The following PCOLCE2 variants were observed in gnomAD, a reference collection of about 807,000 sequenced individuals.
PCOLCE2 encodes the protein procollagen C-proteinase enhancer 2.
PCOLCE2 carries 42 observed loss-of-function variants against 47.0 expected under a neutral mutation model. The ratio of observed to expected loss-of-function variants is 0.89; its 90% CI spans 0.70 to 1.16. The LOEUF is 1.16. PCOLCE2 is among the 50% of genes most tolerant of loss of function. The pLI is 0.00. For synonymous variants in PCOLCE2, 169 were observed against 191.7 expected (o/e 0.88, Z 0.98); for missense variants, 500 against 526.1 (o/e 0.95, Z 0.49).
At chr3:142,826,502 C>A (rs1937079860) in intron 6 of PCOLCE2, among the ~76,000 whole-genome samples, 1 of 152,152 alleles carries the variant, frequency 6.6e-6, no homozygotes, top group South Asian at 2.1e-4. Context: ...AGAAACTTTC[C>A]TTCTCAGTTT....
chr3:142,830,432 C>T (rs995009656), intron 5 of PCOLCE2, among the ~76,000 whole-genome samples: 9 of 152,264 alleles, frequency 5.9e-5, no homozygotes, highest in Non-Finnish European at 8.8e-5. Flanking sequence ...CTATCCACTC[C>T]GGGCTAAGAA....
chr3:142,843,163 C>G, intron 3 of PCOLCE2, 115 bp from the exon 4 acceptor site: 2 of 984,660 alleles, frequency 2.0e-6, no homozygotes, highest in Admixed American at 1.8e-5. Context: ...ATAAAGGCAA[C>G]AGCAGAAGCG....
intron 2 of PCOLCE2, among the ~76,000 whole-genome samples, chr3:142,852,315 CT>C (rs1165947030): frequency 4.6e-5 from 7 of 152,074 alleles, no homozygotes; most frequent in African/African-American, 1.7e-4. Flanking sequence ...TTATAAAGGA[CT>C]TTAGAGAGCA....
At chr3:142,864,378 A>G (rs1933241479) in intron 2 of PCOLCE2, 1 of 152,050 alleles carries the variant, frequency 6.6e-6, no homozygotes, top group African/African-American at 2.4e-5. Flanking sequence ...TGCTTTTATC[A>G]TTTCTCACTT....
intron 2 of PCOLCE2, among the ~76,000 whole-genome samples, chr3:142,873,420 T>G (rs1161557982): frequency 1.3e-5 from 2 of 151,860 alleles, no homozygotes; most frequent in Admixed American, 1.3e-4. Context: ...GAAAAAAATT[T>G]TTTAAAGTTA....
intron 8 of PCOLCE2, among the ~76,000 whole-genome samples, chr3:142,819,909 T>G (rs1320250461): frequency 6.6e-6 from 1 of 152,110 alleles, no homozygotes; most frequent in Non-Finnish European, 1.5e-5. Flanking sequence ...CCTCCTAAAG[T>G]GCTGGGACAG....
At chr3:142,883,386 T>C (rs908472948) in intron 2 of PCOLCE2, among the ~76,000 whole-genome samples, 8 of 151,678 alleles carry the variant, frequency 5.3e-5, no homozygotes, top group African/African-American at 1.9e-4. Flanking sequence ...CTAAATAGAG[T>C]TGCTTTCACA....
At chr3:142,849,741 C>A (rs1050698306) in intron 2 of PCOLCE2, among the ~76,000 whole-genome samples, 1 of 152,110 alleles carries the variant, frequency 6.6e-6, no homozygotes, top group African/African-American at 2.4e-5. Flanking sequence ...TTACATATAA[C>A]AAAACTCAGT....
chr3:142,838,825 C>T lies in PCOLCE2; in HGVS notation c.655G>A (p.Gly219Arg), dbSNP rs138327430. 3.0e-4 allele frequency: 489 copies of T among 1,613,740 alleles called. 3 individuals are homozygous for T. In the African/African-American group the frequency reaches 5.1e-3, roughly 17 times the overall value. ...ATTCTTCTAGCATCGTTGACTTCCCCGCCATTAAACACAGCCACATAATCA... is the reference window on the plus strand; with the variant it reads ...ATTCTTCTAGCATCGTTGACTTCCCTGCCATTAAACACAGCCACATAATCA... ...RYDYVAVFNG[G>R]EVNDARRIGK... Residue 219 changes from glycine (G) to arginine (R), a missense_variant, in exon 5 of 9, where the codon GGG (glycine) becomes AGG (arginine). Physicochemically the swap from Gly to Arg is moderately radical, Grantham distance 125 (BLOSUM62 -2). Transcript: ENST00000295992.
In PCOLCE2 at chr3:142,872,331, C is replaced by T. The variant is rs1285741303; in HGVS notation, c.192+15338G>A. 2.6e-5 allele frequency among the ~76,000 whole-genome samples: 4 copies of T among 152,062 alleles called. No homozygotes were observed. The East Asian group carries it at 5.8e-4, about 22-fold the overall frequency. ...TGTATTTTGACTGCGCTATTTTCTA[C>T]GGGGGCCCTTACTGATAGGCTTTCC... On this transcript the variant is annotated intron_variant, in intron 2 of 8. Coordinates refer to ENST00000295992, the MANE Select transcript of PCOLCE2 (RefSeq NM_013363.4).
At chr3:142,878,151 C>A (rs915131747) in intron 2 of PCOLCE2, among the ~76,000 whole-genome samples, 14 of 152,058 alleles carry the variant, frequency 9.2e-5, no homozygotes, top group African/African-American at 2.9e-4. Context: ...TTTGAAAACA[C>A]TATTTTATTA....
intron 2 of PCOLCE2, among the ~76,000 whole-genome samples, chr3:142,875,628 C>T (rs1933482313): frequency 6.6e-6 from 1 of 152,170 alleles, no homozygotes; most frequent in Non-Finnish European, 1.5e-5. Flanking sequence ...AAATCTCTGT[C>T]TATTCCAAGG....
chr3:142,869,216 G>A (rs113587651), intron 2 of PCOLCE2, among the ~76,000 whole-genome samples: 2,506 of 152,066 alleles, frequency 0.016, 84 homozygotes, highest in African/African-American at 0.058. Flanking sequence ...GTGTGAACCC[G>A]GGAGGTGGAG....
In PCOLCE2 at chr3:142,887,655, T is replaced by A; in HGVS notation, c.192+14A>T. ...ACCCACTTCCAGGAGAATACCTTTTTAAAAAATGCTTACTGTGATTTTCCA... is the reference window on the plus strand; with the variant it reads ...ACCCACTTCCAGGAGAATACCTTTTAAAAAAATGCTTACTGTGATTTTCCA... On this transcript the variant is annotated intron_variant, in intron 2 of 8. Transcript: ENST00000295992. 7.3e-7 allele frequency: 1 copy of A among 1,371,070 alleles called. No individual in the cohort carries two copies. Among genetic ancestry groups the A allele is most frequent in the Non-Finnish European group, 1.0e-6 (1 of 958,904 alleles). The allele number at this position is 1,371,070 out of a possible 1,614,324, so 84.9% of individuals were successfully genotyped here. A position where few individuals can be genotyped will look rare whatever the true frequency, so the allele number is the denominator to read the frequency against.
intron 2 of PCOLCE2, among the ~76,000 whole-genome samples, chr3:142,881,767 G>A (rs568592472): frequency 1.9e-4 from 29 of 152,188 alleles, no homozygotes; most frequent in African/African-American, 6.0e-4. Context: ...ATATTGTTAC[G>A]GGATATGTGA....
chr3:142,888,063 G>A (rs1933748432), intron 1 of PCOLCE2, among the ~76,000 whole-genome samples: 1 of 152,208 alleles, frequency 6.6e-6, no homozygotes, highest in African/African-American at 2.4e-5. Context: ...TAGGAAAATG[G>A]TAAATACATC....
chr3:142,869,577 C>T (rs965286356), intron 2 of PCOLCE2, among the ~76,000 whole-genome samples: 63 of 152,306 alleles, frequency 4.1e-4, no homozygotes, highest in African/African-American at 1.3e-3. Context: ...AGTCTATCCT[C>T]TCTGAAGCCT....
intron 2 of PCOLCE2, among the ~76,000 whole-genome samples, chr3:142,849,266 A>C (rs1480600475): frequency 6.6e-6 from 1 of 152,156 alleles, no homozygotes; most frequent in African/African-American, 2.4e-5. Flanking sequence ...TTGTGTAGTT[A>C]ATTTACAGAT....
intron 2 of PCOLCE2, among the ~76,000 whole-genome samples, chr3:142,879,365 C>A (rs940574818): frequency 2.6e-5 from 4 of 151,970 alleles, no homozygotes; most frequent in African/African-American, 9.7e-5. Context: ...ACAAGCAGTA[C>A]AAATAAGTAT....
Sources: allele counts gnomAD v4.1 joint callset (sites outside exome capture counted in the v4.1 genomes callset), GRCh38; gene constraint gnomAD v4.1.1; transcripts MANE v1.5; gene names NCBI Gene and HGNC (gene_info 2026-07-23, HGNC 2026-07-21).